Variants in ARHGAP24 observed in about 807,000 individuals in gnomAD.
The protein encoded by ARHGAP24 is Rho GTPase activating protein 24.
A neutral mutation model predicts 76.4 loss-of-function variants in ARHGAP24; 50 were observed. The observed-to-expected ratio is 0.65, with a 90% CI of 0.52 to 0.83. The LOEUF (loss-of-function observed/expected upper bound fraction) is 0.83, where lower values mean the gene tolerates loss of function less well. Among genes scored for constraint, ARHGAP24 ranks in the 40% least tolerant of loss-of-function variants. The pLI is 0.00. For synonymous variants in ARHGAP24, 345 were observed against 323.3 expected (o/e 1.07, Z -0.72); for missense variants, 930 against 914.2 (o/e 1.02, Z -0.22).
intron 4 of ARHGAP24, among the ~76,000 whole-genome samples, chr4:85,924,308 A>G (rs1735898440): frequency 6.6e-6 from 1 of 152,190 alleles, no homozygotes; most frequent in African/African-American, 2.4e-5. Flanking sequence ...AGAATGCACC[A>G]TGTCAAGAAC....
At chr4:85,690,262 G>T (rs943892459) in intron 2 of ARHGAP24, among the ~76,000 whole-genome samples, 6 of 151,256 alleles carry the variant, frequency 4.0e-5, no homozygotes, top group African/African-American at 1.2e-4. Flanking sequence ...AGAAATAAAA[G>T]AAAAAAAAAT....
intron 3 of ARHGAP24, among the ~76,000 whole-genome samples, chr4:85,724,784 T>A (rs1045702447): frequency 3.9e-5 from 6 of 152,270 alleles, no homozygotes; most frequent in South Asian, 2.1e-4. Context: ...TGAAATGAAT[T>A]ATCTCTCTGA....
chr4:85,756,636 T>C (rs1726506378), intron 3 of ARHGAP24, among the ~76,000 whole-genome samples: 4 of 152,204 alleles, frequency 2.6e-5, no homozygotes, highest in Admixed American at 1.3e-4. Flanking sequence ...TCAATGCCTT[T>C]GAGTTAAGAA....
At chr4:85,663,952 T>C in intron 2 of ARHGAP24, among the ~76,000 whole-genome samples, 1 of 151,996 alleles carries the variant, frequency 6.6e-6, no homozygotes, top group South Asian at 2.1e-4. Flanking sequence ...TGTATCAATG[T>C]TCATCAAGGA....
chr4:85,494,123 G>A (rs1723463206), intron 1 of ARHGAP24, among the ~76,000 whole-genome samples: 1 of 152,074 alleles, frequency 6.6e-6, no homozygotes, highest in Non-Finnish European at 1.5e-5. Context: ...ATATGAAAAT[G>A]AAGCCTCATA....
At chr4:85,772,612 G>C (rs1236880778) in intron 3 of ARHGAP24, among the ~76,000 whole-genome samples, 1 of 152,160 alleles carries the variant, frequency 6.6e-6, no homozygotes, top group East Asian at 1.9e-4. Flanking sequence ...GGCTGTCCTA[G>C]TATAGTGTGT....
At chr4:85,999,498 TTAAAA>T (rs1050224459) in intron 9 of ARHGAP24, among the ~76,000 whole-genome samples, 4 of 152,168 alleles carry the variant, frequency 2.6e-5, no homozygotes, top group African/African-American at 9.7e-5. Flanking sequence ...AAAACTGTTA[TTAAAA>T]TAATCAGATA....
intron 2 of ARHGAP24, among the ~76,000 whole-genome samples, chr4:85,608,643 C>T (rs1167951054): frequency 6.7e-6 from 1 of 150,298 alleles, no homozygotes; most frequent in East Asian, 2.0e-4. Flanking sequence ...CTGCAACCTC[C>T]ACCTTCCTAG....
intron 3 of ARHGAP24, among the ~76,000 whole-genome samples, chr4:85,854,672 A>T (rs1457318075): frequency 6.6e-6 from 1 of 152,146 alleles, no homozygotes; most frequent in Non-Finnish European, 1.5e-5. Context: ...CATGTTTCTT[A>T]CATCCGGCTA....
intron 1 of ARHGAP24, among the ~76,000 whole-genome samples, chr4:85,507,916 A>G (rs1724129719): frequency 6.6e-6 from 1 of 152,128 alleles, no homozygotes; most frequent in African/African-American, 2.4e-5. Flanking sequence ...ATAGACAGCC[A>G]TTCTTATTAG....
At chr4:85,504,936 A>C (rs1331295832) in intron 1 of ARHGAP24, among the ~76,000 whole-genome samples, 3 of 152,078 alleles carry the variant, frequency 2.0e-5, no homozygotes, top group Non-Finnish European at 4.4e-5. Flanking sequence ...ATCTCTCAGC[A>C]TTTGCTTGTT....
chr4:85,751,230 A>C (rs57065351), intron 3 of ARHGAP24, among the ~76,000 whole-genome samples: 30,665 of 152,132 alleles, frequency 0.2, 4,027 homozygotes, highest in East Asian at 0.37. Flanking sequence ...ATATCAGCAA[A>C]TATAAATTTA....
At chr4:85,833,488 A>T (rs1437430715) in intron 3 of ARHGAP24, among the ~76,000 whole-genome samples, 1 of 152,106 alleles carries the variant, frequency 6.6e-6, no homozygotes, top group Non-Finnish European at 1.5e-5. Flanking sequence ...CCTGGGGAAA[A>T]AAAAAACAAC....
At position 85,487,353 on chromosome 4, in the gene ARHGAP24, A is replaced by G. The variant is rs1174860278; in HGVS notation, c.-21+11794A>G. ...TTATAAATTTATATACATTTATAAT[A>G]TATATAAATATATAAATATATATTT... On this transcript the variant is annotated intron_variant, in intron 1 of 9. Coordinates refer to ENST00000395184, the MANE Select transcript of ARHGAP24 (RefSeq NM_001025616.3). 4.5e-5 allele frequency among the ~76,000 whole-genome samples: 5 copies of G among 110,084 alleles called. No individual in the cohort carries two copies. In the South Asian group the frequency reaches 7.4e-4, roughly 16 times the overall value. 72.2% of individuals were successfully genotyped at this position (110,084 alleles called of 152,430 possible).
intron 2 of ARHGAP24, among the ~76,000 whole-genome samples, chr4:85,639,311 T>G (rs1721440374): frequency 6.6e-6 from 1 of 152,144 alleles, no homozygotes; most frequent in African/African-American, 2.4e-5. Context: ...TTTCAGTAAA[T>G]TTTAGAATCT....
intron 6 of ARHGAP24, among the ~76,000 whole-genome samples, chr4:85,973,162 G>C (rs995411576): frequency 6.6e-6 from 1 of 152,162 alleles, no homozygotes; most frequent in African/African-American, 2.4e-5. Context: ...AATGAGCGCA[G>C]ATTCTGATTT....
At chr4:85,899,565 T>A (rs1157978510) in intron 3 of ARHGAP24, among the ~76,000 whole-genome samples, 1 of 152,204 alleles carries the variant, frequency 6.6e-6, no homozygotes, top group Admixed American at 6.5e-5. Flanking sequence ...TGAAGTGAGA[T>A]TGCAATGCAG....
Position 85,851,308 on chromosome 4 carries a change from T to C in ARHGAP24, c.269-72340T>C, listed in dbSNP as rs118045726. Reference sequence around the variant, plus strand: ...TTGCTTTTCATTTGCTTGGTAGATCTTCCTCTGTCCCTTTATTTTGAGCCC... The same window carrying C: ...TTGCTTTTCATTTGCTTGGTAGATCCTCCTCTGTCCCTTTATTTTGAGCCC... On this transcript the variant is annotated intron_variant, in intron 3 of 9. Coordinates refer to ENST00000395184, the MANE Select transcript of ARHGAP24 (RefSeq NM_001025616.3). Among the ~76,000 whole-genome samples the C allele has an allele frequency of 4.6e-5, 7 of 152,342 alleles. No homozygotes were observed. The East Asian group carries it at 1.2e-3, about 25-fold the overall frequency.
chr4:85,989,031 G>A (rs1410718804), intron 8 of ARHGAP24, among the ~76,000 whole-genome samples: 6 of 151,358 alleles, frequency 4.0e-5, no homozygotes, highest in Admixed American at 4.0e-4. Flanking sequence ...CAGAGGCAAG[G>A]AGTAATGAAG....
Sources: allele counts gnomAD v4.1 joint callset (sites outside exome capture counted in the v4.1 genomes callset), GRCh38; gene constraint gnomAD v4.1.1; transcripts MANE v1.5; gene names NCBI Gene and HGNC (gene_info 2026-07-23, HGNC 2026-07-21).